BRINP3: variants seen among roughly 807,000 people sequenced by gnomAD.
The protein encoded by BRINP3 is BMP/retinoic acid inducible neural specific 3.
Under a neutral mutation model 71.0 loss-of-function variants are expected in BRINP3, and 19 were observed. That is an observed-to-expected ratio of 0.27 (90% CI 0.19 to 0.39). The LOEUF (loss-of-function observed/expected upper bound fraction) is 0.39, where lower values mean the gene tolerates loss of function less well. BRINP3 is among the 10% of genes least tolerant of loss of function. The probability of loss-of-function intolerance (pLI) is 1.00; values close to 1 mark genes in which losing one functional copy is unlikely to be tolerated. For missense variants in BRINP3, 959 were observed against 940.8 expected (o/e 1.02, Z -0.25); for synonymous variants, 380 against 337.7 (o/e 1.13, Z -1.37).
chr1:190,360,065 T>C (rs1249429410), intron 2 of BRINP3, among the ~76,000 whole-genome samples: 1 of 152,222 alleles, frequency 6.6e-6, no homozygotes, highest in East Asian at 1.9e-4. Flanking sequence ...AGGTGTCAAA[T>C]TGTTCATCAT....
chr1:190,257,216 C>T (rs1660742759), intron 4 of BRINP3, among the ~76,000 whole-genome samples: 1 of 152,104 alleles, frequency 6.6e-6, no homozygotes, highest in Non-Finnish European at 1.5e-5. Context: ...AACTTCTCTT[C>T]TTGCTTTATT....
At chr1:190,293,839 C>A (rs923000438) in intron 2 of BRINP3, among the ~76,000 whole-genome samples, 2 of 152,056 alleles carry the variant, frequency 1.3e-5, no homozygotes, top group Admixed American at 6.6e-5. Flanking sequence ...CATAGCTACT[C>A]CTGCTCTTTT....
intron 2 of BRINP3, among the ~76,000 whole-genome samples, chr1:190,430,061 C>T (rs774732706): frequency 2.4e-4 from 36 of 152,208 alleles, no homozygotes; most frequent in Admixed American, 5.9e-4. Context: ...GGTTAGGACA[C>T]GTCTAAGAAA....
Position 190,305,322 on chromosome 1 carries a change from T to C in BRINP3, c.237-23572A>G, listed in dbSNP as rs577361784. ...CATTCTTTAGTTTATGGCAGCACTA[T>C]TGACAATATCCAAGATATGGAATCA... On this transcript the variant is annotated intron_variant, in intron 2 of 7. Coordinates refer to ENST00000367462, the MANE Select transcript of BRINP3 (RefSeq NM_199051.3). Among the ~76,000 whole-genome samples, 214 of 151,894 alleles carry C rather than the reference T, an allele frequency of 1.4e-3. 3 individuals carry two copies. The South Asian group carries it at 0.026, about 18-fold the overall frequency.
intron 2 of BRINP3, among the ~76,000 whole-genome samples, chr1:190,365,527 A>G (rs1333451465): frequency 6.8e-6 from 1 of 148,086 alleles, no homozygotes; most frequent in Non-Finnish European, 1.5e-5. Flanking sequence ...TATTATAATT[A>G]TAATGTGATG....
intron 6 of BRINP3, among the ~76,000 whole-genome samples, chr1:190,220,352 C>T (rs1050701716): frequency 3.3e-5 from 5 of 151,842 alleles, no homozygotes; most frequent in Middle Eastern, 3.4e-3. Context: ...TGAGATCACA[C>T]GGACACAGGG....
intron 4 of BRINP3, among the ~76,000 whole-genome samples, chr1:190,251,607 T>G (rs1367435954): frequency 1.3e-5 from 2 of 151,970 alleles, no homozygotes; most frequent in African/African-American, 4.8e-5. Context: ...GAGATACTTC[T>G]GTCAAACACT....
chr1:190,184,270 T>C (rs914969144), intron 6 of BRINP3, among the ~76,000 whole-genome samples: 8 of 152,116 alleles, frequency 5.3e-5, no homozygotes, highest in Non-Finnish European at 1.0e-4. Context: ...AGAATGCTTG[T>C]ACACTGTTGG....
intron 2 of BRINP3, among the ~76,000 whole-genome samples, chr1:190,372,644 T>C (rs1452335647): frequency 6.6e-6 from 1 of 152,190 alleles, no homozygotes; most frequent in African/African-American, 2.4e-5. Context: ...GAAAAGATTG[T>C]GCCTGAACCA....
chr1:190,302,472 A>G (rs532341731), intron 2 of BRINP3, among the ~76,000 whole-genome samples: 1 of 151,836 alleles, frequency 6.6e-6, no homozygotes, highest in Non-Finnish European at 1.5e-5. Context: ...AATCCAAACT[A>G]GCAGCACCAG....
chr1:190,257,122 C>T (rs910968208), intron 4 of BRINP3, among the ~76,000 whole-genome samples: 1 of 152,182 alleles, frequency 6.6e-6, no homozygotes, highest in African/African-American at 2.4e-5. Context: ...TTCACGTACA[C>T]CAATCAAACG....
chr1:190,203,320 A>G (rs1246061571), intron 6 of BRINP3, among the ~76,000 whole-genome samples: 1 of 151,868 alleles, frequency 6.6e-6, no homozygotes, highest in Non-Finnish European at 1.5e-5. Context: ...ATATGCCTCT[A>G]AAGGACCATG....
chr1:190,400,128 A>G (rs890135590), intron 2 of BRINP3, among the ~76,000 whole-genome samples: 6 of 152,130 alleles, frequency 3.9e-5, no homozygotes, highest in Admixed American at 6.5e-5. Context: ...ATGTGACTGA[A>G]AACACCTGAT....
chr1:190,194,608 C>T (rs1489982949), intron 6 of BRINP3, among the ~76,000 whole-genome samples: 1 of 152,040 alleles, frequency 6.6e-6, no homozygotes, highest in Non-Finnish European at 1.5e-5. Flanking sequence ...ACCAATCGTA[C>T]TATTTTGTTT....
intron 7 of BRINP3, among the ~76,000 whole-genome samples, chr1:190,147,135 T>C (rs1655958815): frequency 6.6e-6 from 1 of 152,098 alleles, no homozygotes. Flanking sequence ...AGTACATTTT[T>C]TCAGTTTTTT....
intron 2 of BRINP3, among the ~76,000 whole-genome samples, chr1:190,397,043 G>A (rs1361512195): frequency 6.6e-6 from 1 of 151,832 alleles, no homozygotes; most frequent in Admixed American, 6.6e-5. Context: ...AAATGCAATG[G>A]ATGTTGTGTT....
intron 4 of BRINP3, among the ~76,000 whole-genome samples, chr1:190,247,112 T>C (rs1426954335): frequency 2.0e-5 from 3 of 151,974 alleles, no homozygotes; most frequent in Non-Finnish European, 4.4e-5. Context: ...CCTATTGTTA[T>C]GCTAAATTTT....
Position 190,473,385 on chromosome 1 carries a change from T to C in BRINP3, c.-51+4063A>G, listed in dbSNP as rs543594434. Among the ~76,000 whole-genome samples, 276 of 152,112 alleles carry C rather than the reference T, an allele frequency of 1.8e-3. 2 individuals carry two copies. Among genetic ancestry groups the C allele is most frequent in the Non-Finnish European group, 2.7e-3 (183 of 67,862 alleles). On this transcript the variant is annotated intron_variant, in intron 1 of 7. Coordinates refer to ENST00000367462, the MANE Select transcript of BRINP3 (RefSeq NM_199051.3). ...TCTTCCAGGTTTTATCAGTAAGCCA[T>C]ACTAGCAGAAAAATTATTGATCAGG...
chr1:190,161,612 C>T (rs996162081), intron 6 of BRINP3, among the ~76,000 whole-genome samples: 3 of 151,706 alleles, frequency 2.0e-5, no homozygotes, highest in African/African-American at 4.8e-5. Flanking sequence ...TCAACTGTCT[C>T]GTTTAACCAA....
Sources: gnomAD v4.1 joint callset for allele counts (sites outside exome capture counted in the v4.1 genomes callset) on GRCh38, gnomAD v4.1.1 for gene constraint, MANE v1.5 for transcripts, NCBI Gene and HGNC (gene_info 2026-07-23, HGNC 2026-07-21) for gene names.